Variants in ZNF254 observed in about 807,000 individuals in gnomAD.
ZNF254 encodes the protein CTD-2017D11.1.
Under a neutral mutation model 12.4 loss-of-function variants are expected in ZNF254, and 10 were observed. That is an observed-to-expected ratio of 0.80 (90% CI 0.50 to 1.36). The LOEUF is 1.36. Among genes scored for constraint, ZNF254 ranks in the 40% most tolerant of loss-of-function variants. ZNF254 has a pLI of 0.00. For missense variants in ZNF254, 996 were observed against 763.9 expected, an observed-to-expected ratio of 1.30 and a Z score of -3.58; for synonymous variants, 305 against 253.4, an observed-to-expected ratio of 1.20 and a Z score of -1.93.
At chr19:24,033,718 C>T in intron 1 of ZNF254, 1 of 268,914 alleles carries the variant, frequency 3.7e-6, no homozygotes, top group South Asian at 3.0e-5. Context: ...GACCTGAGGT[C>T]CCTGCTGGCG....
intron 2 of ZNF254, among the ~76,000 whole-genome samples, chr19:24,061,606 A>G (rs770331287): frequency 6.6e-6 from 1 of 152,224 alleles, no homozygotes; most frequent in Non-Finnish European, 1.5e-5. Context: ...CACAGCCCTC[A>G]GGGAAAAAAA....
chr19:24,068,601 T>C (rs944838934), intron 2 of ZNF254, among the ~76,000 whole-genome samples: 1 of 152,130 alleles, frequency 6.6e-6, no homozygotes, highest in African/African-American at 2.4e-5. Context: ...GCACCCAGTC[T>C]ACCTGCAGCC....
chr19:24,091,451 T>G (rs1471966421), intron 1 of ZNF254, among the ~76,000 whole-genome samples: 2 of 152,164 alleles, frequency 1.3e-5, no homozygotes, highest in African/African-American at 4.8e-5. Flanking sequence ...GGTAAATCCT[T>G]GGTAGTGAAC....
rs963358053 is a variant in ZNF254, at chr19:24,034,488, GTTTTTT to G, written c.-190+884_-190+889del. ...GACAAATTTAGATTTAGGTAAGTGG[GTTTTTT>G]TTTTTTTTTTTTTTTTCTTTTGTGC... On this transcript the variant is annotated intron_variant, in intron 1 of 4. Coordinates refer to the ZNF254 transcript ENST00000613065. Among the ~76,000 whole-genome samples the G allele has an allele frequency of 4.7e-5, 5 of 107,344 alleles. No homozygotes were observed. The East Asian group carries it at 1.3e-3, about 28-fold the overall frequency. The allele number at this position is 107,344 out of a possible 152,430, so 70.4% of individuals were successfully genotyped here.
Position 24,039,474 on chromosome 19 carries a change from G to T in ZNF254, c.-190+5853G>T, listed in dbSNP as rs149243565. On this transcript the variant is annotated intron_variant, in intron 1 of 4. Transcript: ENST00000613065. ...AGAGTCTCTGTCTGTTGCCAGGCTGGAGTGCAGTGGCGTGACCTTGGCTCA... is the reference window on the plus strand; with the variant it reads ...AGAGTCTCTGTCTGTTGCCAGGCTGTAGTGCAGTGGCGTGACCTTGGCTCA... 3.0e-3 allele frequency among the ~76,000 whole-genome samples: 449 copies of T among 152,150 alleles called. 1 individual carries two copies. The highest frequency in any genetic ancestry group is 0.01 in the African/African-American group (434 of 41,508).
At chr19:24,126,156 T>C in intron 3 of ZNF254, 98 bp from the exon 4 acceptor site, 1 of 816,898 alleles carries the variant, frequency 1.2e-6, no homozygotes, top group Non-Finnish European at 1.7e-6. Context: ...TGCTATCTTG[T>C]CTATGTAGTT....
chr19:24,109,208 C>T (rs1259026253), intron 3 of ZNF254, among the ~76,000 whole-genome samples: 1 of 152,088 alleles, frequency 6.6e-6, no homozygotes, highest in Non-Finnish European at 1.5e-5. Flanking sequence ...CTTTTAAATG[C>T]TTATCTATTA....
intron 3 of ZNF254, among the ~76,000 whole-genome samples, chr19:24,119,111 T>A (rs10412517): frequency 1.3e-5 from 2 of 151,654 alleles, no homozygotes; most frequent in Non-Finnish European, 2.9e-5. Context: ...GACTCTGACT[T>A]CAAAAACAAA....
intron 2 of ZNF254, among the ~76,000 whole-genome samples, chr19:24,053,747 T>C (rs1879978259): frequency 1.3e-5 from 2 of 150,958 alleles, no homozygotes; most frequent in South Asian, 2.1e-4. Context: ...ATGGGCCCTG[T>C]CCACAGAGGT....
At chr19:24,087,020 C>T (rs1972065557), upstream of ZNF254, 1 of 398,238 alleles carries the variant, frequency 2.5e-6, no homozygotes, top group Non-Finnish European at 4.7e-6. Context: ...AAGGCTGCAG[C>T]TTAGGCTGTC....
At chr19:24,094,941 C>A (rs999156537) in intron 1 of ZNF254, among the ~76,000 whole-genome samples, 1 of 152,202 alleles carries the variant, frequency 6.6e-6, no homozygotes, top group South Asian at 2.1e-4. Context: ...CCTGCCTTGG[C>A]CTCCCAAGTT....
chr19:24,123,610 G>C (rs771735219), intron 3 of ZNF254, among the ~76,000 whole-genome samples: 1 of 151,852 alleles, frequency 6.6e-6, no homozygotes, highest in Non-Finnish European at 1.5e-5. Context: ...ACACACCTGC[G>C]TGCGTGCACA....
At chr19:24,056,121 G>A (rs954676239) in intron 2 of ZNF254, among the ~76,000 whole-genome samples, 6 of 151,994 alleles carry the variant, frequency 3.9e-5, no homozygotes, top group African/African-American at 1.5e-4. Flanking sequence ...ACATATCGCT[G>A]GACCTTACAC....
intron 3 of ZNF254, among the ~76,000 whole-genome samples, chr19:24,109,373 A>G (rs936457013): frequency 6.6e-6 from 1 of 152,168 alleles, no homozygotes; most frequent in Non-Finnish European, 1.5e-5. Flanking sequence ...ATTGTTTGTT[A>G]ATGTACATTA....
At position 24,126,380 on chromosome 19, in the gene ZNF254, A is replaced by G. The variant is rs149366665; in HGVS notation, c.380A>G (p.Lys127Arg). The change falls in exon 4 of 4, where the codon AAA (lysine) becomes AGA (arginine). Residue 127 changes from lysine to arginine, a missense_variant. By Grantham distance (26) the Lys-to-Arg change is conservative. Transcript: ENST00000357002. Reference protein sequence around the residue: ...HENLQLRKGCKSVDEYKVNKE... With the variant: ...HENLQLRKGCRSVDEYKVNKE... The stretch of plus-strand genomic sequence containing the variant: ...AATTTACAGTTAAGAAAAGGCTGTA[A>G]AAGTGTGGATGAGTATAAGGTGAAC... The G allele has an allele frequency of 1.1e-5, 17 of 1,610,528 alleles. No homozygotes were observed. In the African/African-American group the frequency reaches 2.3e-4, roughly 22 times the overall value.
rs911666067 is a variant in ZNF254, at chr19:24,119,118, CAAA to C, written c.254-7131_254-7129del. On this transcript the variant is annotated intron_variant, in intron 3 of 3. Transcript: ENST00000357002. ...CAGAATGAGACTCTGACTTCAAAAA[CAAA>C]AAAAGTTATCTTCTTATGTCTAATT... Among the ~76,000 whole-genome samples, 10 of 151,268 alleles carry C rather than the reference CAAA, an allele frequency of 6.6e-5. 1 individual carries two copies. Among genetic ancestry groups the C allele is most frequent in the Admixed American group, 4.6e-4 (7 of 15,206 alleles).
chr19:24,048,528 C>T (rs1477878304), intron 2 of ZNF254, among the ~76,000 whole-genome samples: 1 of 152,230 alleles, frequency 6.6e-6, no homozygotes, highest in Non-Finnish European at 1.5e-5. Flanking sequence ...TCAATGATGG[C>T]TCACTGTGCC....
At chr19:24,064,019 G>T (rs907548508) in intron 2 of ZNF254, 6 of 152,148 alleles carry the variant, frequency 3.9e-5, no homozygotes, top group Non-Finnish European at 8.8e-5. Context: ...GTGACGTATT[G>T]GTGGGGCAAG....
At chr19:24,082,151 G>T (rs1185189997) in intron 2 of ZNF254, among the ~76,000 whole-genome samples, 1 of 151,508 alleles carries the variant, frequency 6.6e-6, no homozygotes. Context: ...AGATAATATC[G>T]AGTCTCGCAA....
Sources: allele counts gnomAD v4.1 joint callset (sites outside exome capture counted in the v4.1 genomes callset), GRCh38; gene constraint gnomAD v4.1.1; transcripts MANE v1.5; gene names NCBI Gene and HGNC (gene_info 2026-07-23, HGNC 2026-07-21).